ICA1: variants seen among roughly 807,000 people sequenced by gnomAD.
ICA1 encodes the protein islet cell autoantigen 1.
ICA1 carries 40 observed loss-of-function variants against 71.0 expected under a neutral mutation model. The ratio of observed to expected loss-of-function variants is 0.56; its 90% confidence interval spans 0.44 to 0.73. The LOEUF is 0.73. Among genes scored for constraint, ICA1 ranks in the 30% least tolerant of loss-of-function variants. ICA1 has a pLI of 0.00. For synonymous variants in ICA1, 207 were observed against 209.5 expected, an observed-to-expected ratio of 0.99 and a Z score of 0.10; for missense variants, 578 against 576.5, an observed-to-expected ratio of 1.00 and a Z score of -0.03.
At chr7:8,195,255 G>C (rs900859506) in intron 6 of ICA1, among the ~76,000 whole-genome samples, 6 of 152,242 alleles carry the variant, frequency 3.9e-5, no homozygotes, top group Non-Finnish European at 8.8e-5. Context: ...AAATGGGGCT[G>C]GGTGCGGTGG....
chr7:8,142,720 G>A lies in ICA1; in HGVS notation c.903-903C>T, dbSNP rs146672910. ...CGTCACTGAAGGTTGTCATGAGATGGAATTAACATAAATAAAACACCTAGC... is the reference window on the plus strand; with the variant it reads ...CGTCACTGAAGGTTGTCATGAGATGAAATTAACATAAATAAAACACCTAGC... On this transcript the variant is annotated intron_variant, in intron 9 of 13. Transcript: ENST00000402384. Among the ~76,000 whole-genome samples the A allele has an allele frequency of 3.7e-4, 57 of 152,280 alleles. No homozygotes were observed. The South Asian group carries it at 4.8e-3, about 13-fold the overall frequency.
chr7:8,166,699 A>G (rs10281292), intron 6 of ICA1, among the ~76,000 whole-genome samples: 87,771 of 151,990 alleles, frequency 0.58, 27,552 homozygotes, highest in African/African-American at 0.85. Flanking sequence ...ACAGAGAAAA[A>G]AGACAACTTA....
At chr7:8,191,345 G>C (rs1393479305) in intron 6 of ICA1, among the ~76,000 whole-genome samples, 1 of 152,180 alleles carries the variant, frequency 6.6e-6, no homozygotes, top group East Asian at 1.9e-4. Context: ...TTGACTTAGA[G>C]TTTTTGACTT....
intron 7 of ICA1, chr7:8,157,862 A>C (rs1802277723): frequency 6.6e-6 from 1 of 151,528 alleles, no homozygotes; most frequent in African/African-American, 2.4e-5. Context: ...TAATTTTTGT[A>C]TTTTTTTAGT....
chr7:8,254,611 A>C (rs949653398), intron 1 of ICA1, among the ~76,000 whole-genome samples: 1 of 151,014 alleles, frequency 6.6e-6, no homozygotes, highest in Non-Finnish European at 1.5e-5. Context: ...AAAGCACAAG[A>C]CTGGTTATTT....
chr7:8,245,409 T>TG (rs1468278796), intron 1 of ICA1, among the ~76,000 whole-genome samples: 29 of 96,912 alleles, frequency 3.0e-4, no homozygotes, highest in African/African-American at 1.1e-3. Flanking sequence ...GGGCCTGTTG[T>TG]GGGGTGGGGG....
At chr7:8,151,226 G>C (rs145453468) in intron 8 of ICA1, among the ~76,000 whole-genome samples, 5 of 152,200 alleles carry the variant, frequency 3.3e-5, no homozygotes, top group Admixed American at 2.0e-4. Flanking sequence ...TCCCCTCAGG[G>C]AGGAGTTAGG....
At position 8,127,975 on chromosome 7, in the gene ICA1, T is replaced by C. The variant is rs1438501951; in HGVS notation, c.1228A>G (p.Met410Val). 3 of 1,614,214 alleles carry C rather than the reference T, an allele frequency of 1.9e-6. No homozygotes were observed. Among genetic ancestry groups the C allele is most frequent in the Admixed American group, 3.3e-5 (2 of 60,024 alleles). Residue 410 changes from methionine to valine, a missense_variant, in exon 13 of 14, where the codon ATG (methionine) becomes GTG (valine). By Grantham distance (21) the Met-to-Val change is conservative (BLOSUM62 1). Transcript: ENST00000402384. ...DGQVKEPVPTMALGEPDPKAQ... is the reference protein window; with the variant it reads ...DGQVKEPVPTVALGEPDPKAQ... ...TTGGGGTCTGGCTCTCCCAGGGCCA[T>C]AGTGGGCACTGGCTCCTTCACTTGG...
chr7:8,202,796 C>T (rs779907145), intron 6 of ICA1, among the ~76,000 whole-genome samples: 2 of 152,136 alleles, frequency 1.3e-5, no homozygotes, highest in Non-Finnish European at 2.9e-5. Flanking sequence ...TCTGTAGGAC[C>T]TGGTGGTGAG....
At chr7:8,143,229 C>T (rs1432394958) in intron 9 of ICA1, among the ~76,000 whole-genome samples, 2 of 152,112 alleles carry the variant, frequency 1.3e-5, no homozygotes, top group Non-Finnish European at 2.9e-5. Flanking sequence ...GAAAGGGAAC[C>T]ATGCACCACA....
At chr7:8,216,546 C>T (rs989286307) in intron 6 of ICA1, among the ~76,000 whole-genome samples, 1 of 145,680 alleles carries the variant, frequency 6.9e-6, no homozygotes, top group East Asian at 2.0e-4. Flanking sequence ...GTTTTTATTT[C>T]GTCCTTACAG....
intron 1 of ICA1, among the ~76,000 whole-genome samples, chr7:8,239,982 CA>C (rs879490242): frequency 7.2e-5 from 11 of 152,310 alleles, no homozygotes; most frequent in African/African-American, 2.6e-4. Context: ...CATCGCTGAA[CA>C]AAAGGCAGCA....
intron 1 of ICA1, chr7:8,236,700 T>G (rs1221958905): frequency 6.6e-6 from 1 of 152,284 alleles, no homozygotes; most frequent in Non-Finnish European, 1.5e-5. Context: ...TGTATATTTA[T>G]CTCGTTAGTA....
chr7:8,197,344 G>A (rs895441462), intron 6 of ICA1, among the ~76,000 whole-genome samples: 10 of 151,416 alleles, frequency 6.6e-5, no homozygotes, highest in African/African-American at 2.2e-4. Context: ...CACAAGGTCA[G>A]GACTTCAAGA....
rs973051788 is a variant in ICA1, at chr7:8,130,878, T to C, written c.1061-2736A>G. ...GTTTATAATGGACTTTGGTGGTTTT[T>C]GCTAACTCAGCATCCCTTCCCTCTG... is the stretch of plus-strand genomic sequence containing the variant. On this transcript the variant is annotated intron_variant, in intron 12 of 13. Coordinates refer to ENST00000402384, the MANE Select transcript of ICA1 (RefSeq NM_001136020.3). The surrounding 1 kb of genome is among the most constrained non-coding windows in gnomAD (Gnocchi z 4.2). Among the ~76,000 whole-genome samples the C allele has an allele frequency of 5.3e-5, 8 of 152,234 alleles. No homozygotes were observed. Among genetic ancestry groups the C allele is most frequent in the Non-Finnish European group, 8.8e-5 (6 of 68,040 alleles).
intron 1 of ICA1, among the ~76,000 whole-genome samples, chr7:8,252,713 CATTT>C (rs1287022638): frequency 2.0e-5 from 3 of 150,800 alleles, no homozygotes; most frequent in African/African-American, 7.3e-5. Flanking sequence ...TATATAACTA[CATTT>C]ATATATTACA....
intron 6 of ICA1, among the ~76,000 whole-genome samples, chr7:8,194,963 A>G (rs1462310859): frequency 6.6e-6 from 1 of 152,250 alleles, no homozygotes; most frequent in Non-Finnish European, 1.5e-5. Flanking sequence ...GAAAATATTT[A>G]CAAAAGACAT....
Position 8,114,003 on chromosome 7 carries a change from G to A in ICA1, c.1372C>T (p.Leu458Phe). Residue 458 changes from leucine to phenylalanine, a missense_variant, in exon 14 of 14, where the codon CTC becomes TTC. Transcript: ENST00000402384. ...GAGAGTGGGTCGAGGTCAGCGAAGAGGCTGAACCAGGCAGTCAGGTCTGAG... is the reference window on the plus strand; with the variant it reads ...GAGAGTGGGTCGAGGTCAGCGAAGAAGCTGAACCAGGCAGTCAGGTCTGAG... ...AASDLTAWFS[L>F]FADLDPLSNP... is the part of the protein sequence containing the mutation. 6.2e-7 allele frequency: 1 copy of A among 1,614,124 alleles called. No individual in the cohort carries two copies. Among genetic ancestry groups the A allele is most frequent in the South Asian group, 1.1e-5 (1 of 91,086 alleles).
chr7:8,255,643 C>A (rs181479606), intron 1 of ICA1, among the ~76,000 whole-genome samples: 1 of 152,282 alleles, frequency 6.6e-6, no homozygotes, highest in African/African-American at 2.4e-5. Context: ...GTTCCACAGG[C>A]ACTTCAAATT....
Sources: gnomAD v4.1 joint callset for allele counts (sites outside exome capture counted in the v4.1 genomes callset) on GRCh38, gnomAD v4.1.1 for gene constraint, Gnocchi (gnomAD v3.1) non-coding constraint, MANE v1.5 for transcripts, NCBI Gene and HGNC (gene_info 2026-07-23, HGNC 2026-07-21) for gene names.